Variants in DYSF observed in about 807,000 individuals in gnomAD.
DYSF encodes dysferlin, also known as dystrophy-associated fer-1-like 1.
In DYSF, 212 loss-of-function variants were observed where a neutral mutation model predicts 274.9. The observed-to-expected ratio is 0.77, with a 90% CI of 0.69 to 0.86. The LOEUF (loss-of-function observed/expected upper bound fraction) is 0.86. Ranked by LOEUF, DYSF falls within the 40% of genes least tolerant of loss-of-function variation. The probability of loss-of-function intolerance (pLI) is 0.00; values close to 1 mark genes in which losing one functional copy is unlikely to be tolerated. For synonymous variants in DYSF, 1,091 were observed against 1,078.7 expected, an observed-to-expected ratio of 1.01 and a Z score of -0.22; for missense variants, 2,666 against 2,783.2, an observed-to-expected ratio of 0.96 and a Z score of 0.95.
intron 42 of DYSF, among the ~76,000 whole-genome samples, chr2:71,654,583 G>A (rs1024056266): frequency 3.3e-5 from 5 of 152,078 alleles, no homozygotes; most frequent in Admixed American, 2.0e-4. Context: ...AGGAGTTGGA[G>A]ACCAGCCTAG....
intron 30 of DYSF, among the ~76,000 whole-genome samples, chr2:71,581,403 C>T (rs2092894497): frequency 6.6e-6 from 1 of 152,208 alleles, no homozygotes; most frequent in Non-Finnish European, 1.5e-5. Context: ...TGCAATCAGC[C>T]CTGATTAGAA....
chr2:71,486,148 C>T (rs996739486), intron 3 of DYSF, among the ~76,000 whole-genome samples: 4 of 152,022 alleles, frequency 2.6e-5, no homozygotes, highest in Admixed American at 6.6e-5. Flanking sequence ...CATGCAGCCA[C>T]CCGTTTTGTT....
intron 3 of DYSF, among the ~76,000 whole-genome samples, chr2:71,493,851 C>CAAAAAAAAAAAA (rs145288384): frequency 2.0e-4 from 14 of 69,302 alleles, no homozygotes; most frequent in East Asian, 9.2e-4. Context: ...TACTCTGTCT[C>CAAAAAAAAAAAA]AAAAAAAAAA....
chr2:71,629,832 G>T (rs897088539), intron 41 of DYSF, among the ~76,000 whole-genome samples: 7 of 152,134 alleles, frequency 4.6e-5, no homozygotes, highest in African/African-American at 1.7e-4. Context: ...TTGTCATTTT[G>T]CTGGAAATCA....
intron 41 of DYSF, among the ~76,000 whole-genome samples, chr2:71,633,243 T>C (rs2094344522): frequency 6.6e-6 from 1 of 152,176 alleles, no homozygotes; most frequent in East Asian, 1.9e-4. Flanking sequence ...CAGGGTGGAG[T>C]AGTTTTGAAG....
Position 71,596,375 on chromosome 2 carries a change from A to G in DYSF, c.3575-2189A>G, listed in dbSNP as rs1235775190. ...CGGTCGGTCTGGGGCCCGCATGCTT[A>G]TAAAAATAAAGCGTAGGGAAGCACG... is the stretch of plus-strand genomic sequence containing the variant. On this transcript the variant is annotated intron_variant, in intron 32 of 55. Transcript: ENST00000410020. Among the ~76,000 whole-genome samples the G allele has an allele frequency of 2.0e-5, 3 of 152,308 alleles. No individual in the cohort carries two copies. In the East Asian group the frequency reaches 5.8e-4, roughly 29 times the overall value.
At chr2:71,528,651 G>A (rs1007590606) in intron 14 of DYSF, among the ~76,000 whole-genome samples, 4 of 152,210 alleles carry the variant, frequency 2.6e-5, no homozygotes, top group Non-Finnish European at 5.9e-5. Context: ...GCCCAGGAGA[G>A]GACGTTGGAT....
At chr2:71,676,262 C>G (rs537705025) in intron 52 of DYSF, among the ~76,000 whole-genome samples, 1 of 152,140 alleles carries the variant, frequency 6.6e-6, no homozygotes, top group South Asian at 2.1e-4. Flanking sequence ...TGTTTATACT[C>G]CCACCTGTGC....
At chr2:71,557,227 T>A (rs1424276038) in intron 22 of DYSF, among the ~76,000 whole-genome samples, 1 of 152,244 alleles carries the variant, frequency 6.6e-6, no homozygotes, top group Non-Finnish European at 1.5e-5. Context: ...AGGTGAGCAC[T>A]GTAGGAGCTC....
intron 30 of DYSF, among the ~76,000 whole-genome samples, 157 bp downstream of exon 30, chr2:71,574,528 G>T (rs1459840927): frequency 6.6e-6 from 1 of 152,206 alleles, no homozygotes; most frequent in Non-Finnish European, 1.5e-5. Context: ...GGGGTGGCAT[G>T]TGGGGAAAGC....
At chr2:71,483,353 G>A (rs2083090790) in intron 3 of DYSF, among the ~76,000 whole-genome samples, 1 of 152,220 alleles carries the variant, frequency 6.6e-6, no homozygotes, top group African/African-American at 2.4e-5. Flanking sequence ...ATGAATGGTG[G>A]ACCCGCAGAT....
intron 40 of DYSF, among the ~76,000 whole-genome samples, chr2:71,617,198 G>A (rs749363177): frequency 2.0e-5 from 3 of 152,174 alleles, no homozygotes; most frequent in South Asian, 2.1e-4. Flanking sequence ...GGAGAATTTC[G>A]GGAGGTGGGA....
At chr2:71,472,798 A>G (rs1266337418) in intron 1 of DYSF, among the ~76,000 whole-genome samples, 3 of 152,202 alleles carry the variant, frequency 2.0e-5, no homozygotes, top group Non-Finnish European at 4.4e-5. Context: ...TCATTTGCCC[A>G]TGGTGGAGCA....
intron 30 of DYSF, among the ~76,000 whole-genome samples, chr2:71,586,151 C>A (rs893413709): frequency 5.9e-5 from 9 of 152,052 alleles, no homozygotes; most frequent in African/African-American, 1.9e-4. Flanking sequence ...TATGGAGAGC[C>A]CAGTCTCCCC....
intron 1 of DYSF, among the ~76,000 whole-genome samples, chr2:71,476,423 C>T (rs907570061): frequency 2.6e-5 from 4 of 151,738 alleles, no homozygotes; most frequent in Admixed American, 2.0e-4. Context: ...CACTTGTAGT[C>T]GCGGCTACTC....
Position 71,561,761 on chromosome 2 carries a change from G to T in DYSF, c.2226G>T (p.Leu742=). The change falls in exon 23 of 56, where the codon CTG becomes CTT. Residue 742 remains leucine, a synonymous_variant. Coordinates refer to ENST00000410020, the MANE Select transcript of DYSF (RefSeq NM_001130987.2). ...DELIAGCSQP[L]GDIHETPSAT... The stretch of plus-strand genomic sequence containing the variant: ...TGTCCGTCCCTCACAGCCAGCCTCT[G>T]GGTGACATCCATGAGACACCCTCTG... 2 of 1,614,154 alleles carry T rather than the reference G, an allele frequency of 1.2e-6. No individual in the cohort carries two copies. Among genetic ancestry groups the T allele is most frequent in the Non-Finnish European group, 1.7e-6 (2 of 1,180,008 alleles).
chr2:71,550,891 C>T (rs796554685), intron 17 of DYSF, 150 bp from the exon 18 acceptor site: 58 of 676,576 alleles, frequency 8.6e-5, no homozygotes, highest in African/African-American at 8.3e-4. Context: ...TCGCTCGTGG[C>T]GTTCTTCTTT....
intron 40 of DYSF, among the ~76,000 whole-genome samples, chr2:71,616,774 AAC>A: frequency 6.6e-6 from 1 of 152,274 alleles, no homozygotes; most frequent in Middle Eastern, 3.4e-3. Flanking sequence ...CCTCCATCCA[AAC>A]ACACAATTTG....
At chr2:71,571,229 G>GCA (rs1559188887) in intron 29 of DYSF, among the ~76,000 whole-genome samples, 1 of 122,856 alleles carries the variant, frequency 8.1e-6, no homozygotes, top group Non-Finnish European at 1.7e-5. Flanking sequence ...TTCACACTCA[G>GCA]CACACACAGA....
Sources: gnomAD v4.1 joint callset for allele counts (sites outside exome capture counted in the v4.1 genomes callset) on GRCh38, gnomAD v4.1.1 for gene constraint, MANE v1.5 for transcripts, NCBI Gene and HGNC (gene_info 2026-07-23, HGNC 2026-07-21) for gene names.